The following FBXO38 variants were observed in gnomAD, a reference collection of about 807,000 sequenced individuals.
FBXO38 encodes the protein F-box only protein 38.
A neutral mutation model predicts 131.9 loss-of-function variants in FBXO38; 53 were observed. That is an observed-to-expected ratio of 0.40 (90% CI 0.32 to 0.51). The LOEUF (loss-of-function observed/expected upper bound fraction) is 0.51, where lower values mean the gene tolerates loss of function less well. Among genes scored for constraint, FBXO38 ranks in the 20% least tolerant of loss-of-function variants. FBXO38 has a pLI of 0.53. For synonymous variants in FBXO38, 452 were observed against 505.6 expected (o/e 0.89, Z 1.42); for missense variants, 1,076 against 1,475.6 (o/e 0.73, Z 4.44).
rs926020321 is a variant in FBXO38 at position 148,441,078 on chromosome 5, T to A, written c.3275-46T>A. The stretch of plus-strand genomic sequence containing the variant: ...TACAAAATACTGCAGAATTTGGCTC[T>A]GTCAGCACTCCCACGCCAGTTAGCA... On this transcript the variant is annotated intron_variant, in intron 20 of 21. Transcript: ENST00000340253. The A allele has an allele frequency of 2.9e-6, 4 of 1,387,232 alleles. No homozygotes were observed. The African/African-American group carries it at 4.3e-5, about 15-fold the overall frequency. 85.9% of individuals were successfully genotyped at this position (1,387,232 alleles called of 1,614,324 possible).
chr5:148,387,278 C>T (rs1400648336), intron 1 of FBXO38, among the ~76,000 whole-genome samples: 1 of 152,172 alleles, frequency 6.6e-6, no homozygotes, highest in African/African-American at 2.4e-5. Context: ...TAGATTTCAT[C>T]TCAACAAACC....
intron 2 of FBXO38, among the ~76,000 whole-genome samples, chr5:148,396,470 G>A (rs1758485906): frequency 6.6e-6 from 1 of 151,956 alleles, no homozygotes; most frequent in Admixed American, 6.6e-5. Flanking sequence ...ACCATTTGGA[G>A]AAAAAAATAA....
At chr5:148,424,228 G>A (rs1258521298) in intron 13 of FBXO38, 111 bp downstream of exon 13, 21 of 1,037,826 alleles carry the variant, frequency 2.0e-5, no homozygotes, top group South Asian at 7.8e-5. Flanking sequence ...CTAATGATAC[G>A]TTTTATGCTA....
At chr5:148,398,907 G>A in intron 2 of FBXO38, 92 bp from the exon 3 acceptor site, 1 of 1,359,232 alleles carries the variant, frequency 7.4e-7, no homozygotes. Context: ...CATTTGAGTG[G>A]TAGGAGATTG....
intron 7 of FBXO38, among the ~76,000 whole-genome samples, chr5:148,406,621 G>A (rs1265937946): frequency 6.6e-6 from 1 of 152,006 alleles, no homozygotes; most frequent in Non-Finnish European, 1.5e-5. Context: ...GATAAGACAT[G>A]TTTTCTGGCT....
intron 4 of FBXO38, 34 bp downstream of exon 4, chr5:148,402,179 C>G (rs769571324): frequency 1.3e-6 from 2 of 1,588,340 alleles, no homozygotes; most frequent in Non-Finnish European, 8.6e-7. Context: ...TTGGCATCAA[C>G]TGTTTATGAA....
chr5:148,410,803 A>T (rs760633393), intron 9 of FBXO38, 38 bp downstream of exon 9: 1 of 1,557,036 alleles, frequency 6.4e-7, no homozygotes, highest in Non-Finnish European at 8.7e-7. Context: ...GAATTACTGT[A>T]AGAAATTTAC....
chr5:148,408,484 G>A (rs1325863340), intron 7 of FBXO38, among the ~76,000 whole-genome samples: 2 of 152,210 alleles, frequency 1.3e-5, no homozygotes, highest in Non-Finnish European at 2.9e-5. Context: ...ATTGGCAATA[G>A]AATGGATAAT....
chr5:148,420,253 G>A (rs1426862966), intron 12 of FBXO38, among the ~76,000 whole-genome samples: 1 of 151,760 alleles, frequency 6.6e-6, no homozygotes, highest in Non-Finnish European at 1.5e-5. Flanking sequence ...CTCCCGAGTA[G>A]CTGGGACTAC....
chr5:148,441,043 A>T, intron 20 of FBXO38, 81 bp from the exon 21 acceptor site: 1 of 895,834 alleles, frequency 1.1e-6, no homozygotes, highest in Non-Finnish European at 1.9e-6. Flanking sequence ...TTTATATTTT[A>T]CATTCTGCTT....
At chr5:148,411,883 A>G (rs939224275) in intron 9 of FBXO38, among the ~76,000 whole-genome samples, 4 of 152,190 alleles carry the variant, frequency 2.6e-5, no homozygotes, top group Admixed American at 2.6e-4. Flanking sequence ...TGTTTCTGCA[A>G]TGTCTGTATA....
chr5:148,409,298 G>A lies in FBXO38; in HGVS notation c.962+81G>A, dbSNP rs2113558855. On this transcript the variant is annotated intron_variant, in intron 8 of 21. Transcript: ENST00000340253. ...TATTTTACAAAAAATTGTGGAATGTGTGTGTATATATGTGTGTACATTTGA... is the reference window on the plus strand; with the variant it reads ...TATTTTACAAAAAATTGTGGAATGTATGTGTATATATGTGTGTACATTTGA... 4 of 906,490 alleles carry A rather than the reference G, an allele frequency of 4.4e-6. No individual in the cohort carries two copies. In the East Asian group the frequency reaches 7.2e-5, roughly 16 times the overall value. The allele number at this position is 906,490 out of a possible 1,614,324, so 56.2% of individuals were successfully genotyped here.
chr5:148,424,843 T>G (rs1019478811), intron 13 of FBXO38, among the ~76,000 whole-genome samples: 3 of 151,924 alleles, frequency 2.0e-5, no homozygotes, highest in African/African-American at 7.3e-5. Context: ...TTGTACAATG[T>G]GACAGGAAAA....
rs1232271403 is a variant in FBXO38, at chr5:148,409,158, A to G, written c.903A>G (p.Gly301=). 1 of 1,613,354 alleles carries G rather than the reference A, an allele frequency of 6.2e-7. No homozygotes were observed. Among genetic ancestry groups the G allele is most frequent in the East Asian group, 2.2e-5 (1 of 44,834 alleles). The part of the protein sequence containing the change: ...GFRNLHTIVL[G]ACKNALEVDL... ...GAAATTTGCACACTATTGTTCTGGGAGCTTGCAAAAATGCTCTTGAAGTAG... is the reference window on the plus strand; with the variant it reads ...GAAATTTGCACACTATTGTTCTGGGGGCTTGCAAAAATGCTCTTGAAGTAG... The change falls in exon 8 of 22, where the codon GGA becomes GGG. Residue 301 remains glycine (G), a synonymous_variant. Transcript: ENST00000340253.
chr5:148,419,647 G>A (rs950712637), intron 12 of FBXO38, among the ~76,000 whole-genome samples: 6 of 152,126 alleles, frequency 3.9e-5, no homozygotes, highest in Non-Finnish European at 7.4e-5. Context: ...AGGTTGAGGC[G>A]GGAGGATGGC....
At chr5:148,414,944 C>A (rs1366827779) in intron 10 of FBXO38, among the ~76,000 whole-genome samples, 1 of 152,136 alleles carries the variant, frequency 6.6e-6, no homozygotes, top group Non-Finnish European at 1.5e-5. Context: ...GTACTTGTGA[C>A]AAAGCCTCTC....
rs766950880 is a variant in FBXO38 at position 148,438,514 on chromosome 5, T to G, written c.3024+16T>G. 1 of 1,606,464 alleles carries G rather than the reference T, an allele frequency of 6.2e-7. No individual in the cohort carries two copies. Among genetic ancestry groups the G allele is most frequent in the Non-Finnish European group, 8.5e-7 (1 of 1,177,042 alleles). On this transcript the variant is annotated intron_variant, in intron 18 of 21. Coordinates refer to ENST00000340253, the MANE Select transcript of FBXO38 (RefSeq NM_205836.3). ...AATGCAGCAGGTAACGAGCTTTGCT[T>G]CTTTCCGATGATACACATATTGTGG...
At chr5:148,437,679 C>G (rs753778890) in intron 17 of FBXO38, among the ~76,000 whole-genome samples, 1 of 152,136 alleles carries the variant, frequency 6.6e-6, no homozygotes, top group Non-Finnish European at 1.5e-5. Context: ...AGTTGATATA[C>G]TAGTTCAGTT....
chr5:148,410,638 A>G lies in FBXO38; in HGVS notation c.966A>G (p.Leu322=), dbSNP rs1308724981. ...GYLIITAARR[L]HEVRIQPSLT... ...TGTTCTCTGTCTTTATTCACAGGTT[A>G]CATGAAGTTCGGATCCAGCCTTCCC... is the stretch of plus-strand genomic sequence containing the variant. The change falls in exon 9 of 22, where the codon TTA becomes TTG. Residue 322 remains leucine, a synonymous_variant. Coordinates refer to ENST00000340253, the MANE Select transcript of FBXO38 (RefSeq NM_205836.3). 1 of 1,613,978 alleles carries G rather than the reference A, an allele frequency of 6.2e-7. No homozygotes were observed. The highest frequency in any genetic ancestry group is 1.1e-5 in the South Asian group (1 of 91,026).
Sources: allele counts gnomAD v4.1 joint callset (sites outside exome capture counted in the v4.1 genomes callset), GRCh38; gene constraint gnomAD v4.1.1; transcripts MANE v1.5; gene names NCBI Gene and HGNC (gene_info 2026-07-23, HGNC 2026-07-21).